The following MALT1 variants were observed in gnomAD, a reference collection of about 807,000 sequenced individuals.
MALT1 encodes the protein mucosa-associated lymphoid tissue lymphoma translocation protein 1.
A neutral mutation model predicts 85.5 loss-of-function variants in MALT1; 36 were observed. The observed-to-expected ratio is 0.42, with a 90% confidence interval of 0.32 to 0.56. MALT1 has a LOEUF of 0.56. MALT1 is among the 20% of genes least tolerant of loss of function. MALT1 has a pLI of 0.10. For missense variants in MALT1, 716 were observed against 981.6 expected (o/e 0.73, Z 3.62); for synonymous variants, 359 against 361.3 (o/e 0.99, Z 0.07).
At chr18:58,694,312 G>A (rs181941890) in intron 2 of MALT1, among the ~76,000 whole-genome samples, 4 of 152,242 alleles carry the variant, frequency 2.6e-5, no homozygotes, top group Non-Finnish European at 5.9e-5. Flanking sequence ...TTTGTGCTGT[G>A]ACTTTCATGA....
At chr18:58,721,825 A>G (rs1254141232) in intron 9 of MALT1, among the ~76,000 whole-genome samples, 1 of 152,212 alleles carries the variant, frequency 6.6e-6, no homozygotes, top group African/African-American at 2.4e-5. Context: ...TATTCATAAT[A>G]ACTTACAAAT....
intron 5 of MALT1, among the ~76,000 whole-genome samples, 187 bp downstream of exon 5, chr18:58,709,743 A>C (rs751498239): frequency 7.2e-5 from 11 of 152,200 alleles, no homozygotes; most frequent in Non-Finnish European, 1.6e-4. Context: ...CTAGAATTCA[A>C]CTCAGGCTTA....
Position 58,733,549 on chromosome 18 carries a change from T to C in MALT1, c.1375T>C (p.Phe459Leu). The C allele has an allele frequency of 6.2e-7, 1 of 1,606,292 alleles. No individual in the cohort carries two copies. The highest frequency in any genetic ancestry group is 1.1e-5 in the South Asian group (1 of 89,236). Residue 459 changes from phenylalanine (F) to leucine (L), a missense_variant, in exon 11 of 17, where the codon TTC becomes CTC. Coordinates refer to ENST00000649217, the MANE Select transcript of MALT1 (RefSeq NM_006785.4). ...MQEKETGLNVFLLDMCRKRND... is the reference protein window; with the variant it reads ...MQEKETGLNVLLLDMCRKRND... ...AGAAAAAGAAACTGGACTTAATGTG[T>C]TCTTATTGGATATGTGTAGGAAAAG... is the stretch of plus-strand genomic sequence containing the variant.
At chr18:58,688,653 A>C (rs971211540) in intron 2 of MALT1, among the ~76,000 whole-genome samples, 21 of 151,814 alleles carry the variant, frequency 1.4e-4, no homozygotes, top group Middle Eastern at 3.4e-3. Context: ...TCCAGTAGTC[A>C]CCTGCTTCTT....
In MALT1 at chr18:58,680,944, A is replaced by T. The variant is rs1053801187; in HGVS notation, c.210-226A>T. 1.1e-4 allele frequency among the ~76,000 whole-genome samples: 16 copies of T among 151,182 alleles called. 1 individual carries two copies. The highest frequency in any genetic ancestry group is 3.4e-4 in the African/African-American group (14 of 41,024). ...GACTCCGTCTCAAAAAAAAAAAAAA[A>T]AAAAAAAAAAATAATCATGGGAGCT... On this transcript the variant is annotated intron_variant, in intron 1 of 16. Transcript: ENST00000649217.
chr18:58,724,184 G>A (rs2055022540), intron 10 of MALT1, among the ~76,000 whole-genome samples: 1 of 152,090 alleles, frequency 6.6e-6, no homozygotes, highest in South Asian at 2.1e-4. Context: ...GGCAAGTTTG[G>A]TCAGAATTTT....
At position 58,749,455 on chromosome 18, in the gene MALT1, CT is replaced by C; in HGVS notation, c.*1614del. The C allele has an allele frequency of 4.6e-6, 1 of 216,016 alleles. No individual in the cohort carries two copies. The highest frequency in any genetic ancestry group is 9.3e-6 in the Non-Finnish European group (1 of 107,230). 13.4% of individuals were successfully genotyped at this position (216,016 alleles called of 1,614,324 possible). Reference sequence around the variant, plus strand: ...CTTCTTGTACTACACAGAATTGCCCCTGCCATTTCCACCCTCCAGTCATTTC... The same window carrying C: ...CTTCTTGTACTACACAGAATTGCCCCGCCATTTCCACCCTCCAGTCATTTC... On this transcript the variant is annotated 3_prime_UTR_variant, in exon 17 of 17. Transcript: ENST00000649217.
chr18:58,730,373 A>G (rs958553502), intron 10 of MALT1, among the ~76,000 whole-genome samples: 4 of 152,170 alleles, frequency 2.6e-5, no homozygotes, highest in Non-Finnish European at 5.9e-5. Flanking sequence ...GGATTTGCCT[A>G]TTCTGGACAT....
At chr18:58,716,073 T>C (rs1471213330) in intron 9 of MALT1, 106 bp downstream of exon 9, 5 of 787,742 alleles carry the variant, frequency 6.3e-6, no homozygotes, top group Middle Eastern at 2.4e-4. Context: ...GTGAATAACA[T>C]TGGGACCAAA....
chr18:58,681,985 T>C (rs2054328983), intron 2 of MALT1, among the ~76,000 whole-genome samples: 1 of 152,152 alleles, frequency 6.6e-6, no homozygotes, highest in South Asian at 2.1e-4. Flanking sequence ...AGGAGGGACA[T>C]GCCATTGAAG....
At chr18:58,713,520 T>TA (rs2054860952) in intron 7 of MALT1, among the ~76,000 whole-genome samples, 1 of 152,108 alleles carries the variant, frequency 6.6e-6, no homozygotes, top group East Asian at 1.9e-4. Flanking sequence ...ACCAAGAAGA[T>TA]ACAAGCCTGA....
intron 9 of MALT1, among the ~76,000 whole-genome samples, chr18:58,720,690 G>A (rs1282405426): frequency 6.6e-6 from 1 of 152,126 alleles, no homozygotes; most frequent in Non-Finnish European, 1.5e-5. Context: ...ATGATGCTTA[G>A]TTTGACAGTT....
chr18:58,699,851 C>T (rs1303607595), intron 3 of MALT1, among the ~76,000 whole-genome samples: 2 of 152,222 alleles, frequency 1.3e-5, no homozygotes, highest in African/African-American at 4.8e-5. Context: ...CTGTGGATGG[C>T]CATCCCGTCT....
intron 16 of MALT1, among the ~76,000 whole-genome samples, chr18:58,746,461 G>GAAAAGC (rs1351729688): frequency 1.3e-5 from 2 of 152,194 alleles, no homozygotes; most frequent in Non-Finnish European, 1.5e-5. Context: ...TGCACATTGA[G>GAAAAGC]TGTTCTAATG....
At chr18:58,735,965 G>GA (rs1264297485) in intron 13 of MALT1, among the ~76,000 whole-genome samples, 2 of 151,616 alleles carry the variant, frequency 1.3e-5, no homozygotes, top group African/African-American at 4.8e-5. Context: ...TGTGTTTTTT[G>GA]AAAAAACATT....
At chr18:58,681,480 C>A in intron 2 of MALT1, 144 bp downstream of exon 2, 1 of 671,058 alleles carries the variant, frequency 1.5e-6, no homozygotes, top group Non-Finnish European at 2.4e-6. Context: ...CAGGTTGAAG[C>A]AAATGCAATG....
intron 9 of MALT1, among the ~76,000 whole-genome samples, chr18:58,717,469 C>A (rs540256861): frequency 1.9e-4 from 29 of 152,126 alleles, no homozygotes; most frequent in South Asian, 1.2e-3. Context: ...CAAGGTCTTA[C>A]AAGTCTGATC....
At position 58,671,487 on chromosome 18, in the gene MALT1, G is replaced by A. The variant is rs941951957; in HGVS notation, c.-157G>A. ...GGCAAACCTGTCTAATTGGGGCGGG[G>A]AGCGGAGCTTCCTCCTCTGAGGGCC... On this transcript the variant is annotated 5_prime_UTR_variant, in exon 1 of 17. Coordinates refer to ENST00000649217, the MANE Select transcript of MALT1 (RefSeq NM_006785.4). 21 of 434,710 alleles carry A rather than the reference G, an allele frequency of 4.8e-5. No individual in the cohort carries two copies. The highest frequency in any genetic ancestry group is 7.1e-5 in the Non-Finnish European group (19 of 269,072). 26.9% of individuals were successfully genotyped at this position (434,710 alleles called of 1,614,324 possible). A position where few individuals can be genotyped will look rare whatever the true frequency, so the allele number is the denominator to read the frequency against.
intron 13 of MALT1, among the ~76,000 whole-genome samples, chr18:58,739,831 G>A (rs73961677): frequency 2.1e-5 from 3 of 145,476 alleles, no homozygotes; most frequent in African/African-American, 5.0e-5. Flanking sequence ...ACACACACAC[G>A]TGTACGTGTA....
Sources: gnomAD v4.1 joint callset for allele counts (sites outside exome capture counted in the v4.1 genomes callset) on GRCh38, gnomAD v4.1.1 for gene constraint, MANE v1.5 for transcripts, NCBI Gene and HGNC (gene_info 2026-07-23, HGNC 2026-07-21) for gene names.